PTPRD: variants seen among roughly 807,000 people sequenced by gnomAD.
The protein encoded by PTPRD is protein tyrosine phosphatase receptor type D.
PTPRD carries 34 observed loss-of-function variants against 214.5 expected under a neutral mutation model. The ratio of observed to expected loss-of-function variants is 0.16; its 90% CI spans 0.12 to 0.21. PTPRD has a LOEUF of 0.21. Among genes scored for constraint, PTPRD ranks in the 10% least tolerant of loss-of-function variants. PTPRD has a pLI of 1.00. For synonymous variants in PTPRD, 1,128 were observed against 845.7 expected (o/e 1.33, Z -5.79); for missense variants, 2,545 against 2,398.7 (o/e 1.06, Z -1.27).
At chr9:8,344,620 T>C (rs1407654393) in intron 39 of PTPRD, among the ~76,000 whole-genome samples, 4 of 152,170 alleles carry the variant, frequency 2.6e-5, no homozygotes, top group African/African-American at 7.2e-5. Context: ...ATATGGAAGA[T>C]AGGGAAGGAG....
At chr9:9,559,764 C>A (rs1396991004) in intron 8 of PTPRD, among the ~76,000 whole-genome samples, 7 of 152,200 alleles carry the variant, frequency 4.6e-5, no homozygotes, top group Non-Finnish European at 7.3e-5. Context: ...AGTGGTCCAG[C>A]AAGTCTGTGA....
chr9:10,035,853 T>A (rs1458604954), intron 3 of PTPRD, among the ~76,000 whole-genome samples: 2 of 151,104 alleles, frequency 1.3e-5, no homozygotes, highest in African/African-American at 4.9e-5. Flanking sequence ...AAAAGATAAG[T>A]GAGTAAATAC....
At chr9:9,805,263 G>T (rs1565399734) in intron 5 of PTPRD, among the ~76,000 whole-genome samples, 1 of 152,040 alleles carries the variant, frequency 6.6e-6, no homozygotes, top group African/African-American at 2.4e-5. Flanking sequence ...AATATATAAA[G>T]TGCTTTGCCT....
chr9:10,037,549 A>T (rs1270325644), intron 3 of PTPRD, among the ~76,000 whole-genome samples: 1 of 148,996 alleles, frequency 6.7e-6, no homozygotes, highest in African/African-American at 2.5e-5. Flanking sequence ...TTTATAAATT[A>T]CCCAGTCTTG....
rs184637961 is a variant in PTPRD, at chr9:8,320,270, T to C, written c.5535-304A>G. ...ATGAAAAGAAAGGGTAAATAACATA[T>C]AGGTTTATAATATTCATGGAGATTC... On this transcript the variant is annotated intron_variant, in intron 44 of 45. Coordinates refer to ENST00000381196, the MANE Select transcript of PTPRD (RefSeq NM_002839.4). Among the ~76,000 whole-genome samples the C allele has an allele frequency of 3.3e-5, 5 of 152,256 alleles. No individual in the cohort carries two copies. In the East Asian group the frequency reaches 9.7e-4, roughly 29 times the overall value.
chr9:10,504,115 C>CAACAAAAAAAAAAAAA (rs1555439817), intron 2 of PTPRD, among the ~76,000 whole-genome samples: 1 of 26,970 alleles, frequency 3.7e-5, no homozygotes, highest in African/African-American at 1.8e-4. Flanking sequence ...GACTCTGTCT[C>CAACAAAAAAAAAAAAA]AAAAAAAAAA....
intron 2 of PTPRD, among the ~76,000 whole-genome samples, chr9:10,440,787 T>C (rs2098753102): frequency 6.6e-6 from 1 of 151,732 alleles, no homozygotes; most frequent in South Asian, 2.1e-4. Context: ...ATTAAGGTTG[T>C]AGAGGAACAC....
At chr9:8,436,298 A>C (rs923905419) in intron 35 of PTPRD, among the ~76,000 whole-genome samples, 3 of 152,004 alleles carry the variant, frequency 2.0e-5, no homozygotes, top group African/African-American at 7.2e-5. Flanking sequence ...ATAATGCATA[A>C]TATGTAAATA....
rs1005756544 is a variant in PTPRD at position 10,350,549 on chromosome 9, T to C, written c.-599-9532A>G. ...TTGTCATTTAATCCTCATTACAATA[T>C]ACAAAACATATTGTCATTATTTCTA... On this transcript the variant is annotated intron_variant, in intron 2 of 45. Transcript: ENST00000381196. Among the ~76,000 whole-genome samples, 7 of 152,278 alleles carry C rather than the reference T, an allele frequency of 4.6e-5. No homozygotes were observed. The South Asian group carries it at 8.3e-4, about 18-fold the overall frequency.
chr9:10,526,806 A>G (rs1231355720), intron 2 of PTPRD, among the ~76,000 whole-genome samples: 2 of 152,102 alleles, frequency 1.3e-5, no homozygotes, highest in Non-Finnish European at 2.9e-5. Context: ...TAACTTGTCG[A>G]TTCTCAATGA....
At chr9:9,202,757 C>T (rs2099942612) in intron 9 of PTPRD, among the ~76,000 whole-genome samples, 1 of 152,224 alleles carries the variant, frequency 6.6e-6, no homozygotes, top group Non-Finnish European at 1.5e-5. Flanking sequence ...TCAGTTAGCA[C>T]TGAACACAAC....
intron 7 of PTPRD, among the ~76,000 whole-genome samples, chr9:9,631,244 A>G (rs962566078): frequency 6.6e-5 from 10 of 151,556 alleles, no homozygotes; most frequent in Non-Finnish European, 1.3e-4. Flanking sequence ...GAAAAAAAAA[A>G]AAGAAAGAGT....
chr9:10,080,925 A>G (rs2098226107), intron 3 of PTPRD, among the ~76,000 whole-genome samples: 1 of 152,126 alleles, frequency 6.6e-6, no homozygotes, highest in South Asian at 2.1e-4. Flanking sequence ...AAAATAAATT[A>G]TGACCATATA....
intron 2 of PTPRD, among the ~76,000 whole-genome samples, chr9:10,577,438 G>T (rs2069810710): frequency 6.6e-6 from 1 of 152,084 alleles, no homozygotes; most frequent in African/African-American, 2.4e-5. Flanking sequence ...ATCAGCTTTG[G>T]CTTTTAAAAC....
intron 9 of PTPRD, among the ~76,000 whole-genome samples, chr9:9,211,085 G>T (rs1375486982): frequency 2.0e-5 from 3 of 151,936 alleles, no homozygotes; most frequent in African/African-American, 7.3e-5. Context: ...GTGTGAGTGT[G>T]TGTGTGTGTG....
intron 6 of PTPRD, among the ~76,000 whole-genome samples, chr9:9,750,311 G>A (rs2098504209): frequency 6.6e-6 from 1 of 151,910 alleles, no homozygotes; most frequent in Non-Finnish European, 1.5e-5. Flanking sequence ...CTTTGCTTTA[G>A]TTATCAAGCC....
In PTPRD at chr9:9,722,581, C is replaced by G. The variant is rs556677872; in HGVS notation, c.-287+11952G>C. ...TATTTTCATTTTTCTTGTGTACATA[C>G]CTAAGAGTAGAATTTCCAAGTCACG... is the stretch of plus-strand genomic sequence containing the variant. On this transcript the variant is annotated intron_variant, in intron 7 of 45. Coordinates refer to ENST00000381196, the MANE Select transcript of PTPRD (RefSeq NM_002839.4). Among the ~76,000 whole-genome samples, 4 of 152,058 alleles carry G rather than the reference C, an allele frequency of 2.6e-5. No individual in the cohort carries two copies. In the South Asian group the frequency reaches 8.3e-4, roughly 32 times the overall value.
chr9:8,951,411 G>A (rs568994390), intron 11 of PTPRD, among the ~76,000 whole-genome samples: 2 of 149,426 alleles, frequency 1.3e-5, no homozygotes, highest in South Asian at 4.2e-4. Flanking sequence ...TAACATGTAG[G>A]TTATCTAATT....
intron 9 of PTPRD, among the ~76,000 whole-genome samples, chr9:9,318,658 A>T (rs1468387661): frequency 6.6e-6 from 1 of 152,190 alleles, no homozygotes; most frequent in East Asian, 1.9e-4. Flanking sequence ...AAATTTCAGG[A>T]TTTGATAAAA....
Sources: allele counts gnomAD v4.1 joint callset (sites outside exome capture counted in the v4.1 genomes callset), GRCh38; gene constraint gnomAD v4.1.1; transcripts MANE v1.5; gene names NCBI Gene and HGNC (gene_info 2026-07-23, HGNC 2026-07-21).